Variants in COBLL1 observed in about 807,000 individuals in gnomAD.
COBLL1 encodes the protein cordon-bleu WH2 repeat protein like 1.
A neutral mutation model predicts 94.8 loss-of-function variants in COBLL1; 50 were observed. The ratio of observed to expected loss-of-function variants is 0.53; its 90% CI spans 0.42 to 0.67. The LOEUF (loss-of-function observed/expected upper bound fraction) is 0.67. Among genes scored for constraint, COBLL1 ranks in the 30% least tolerant of loss-of-function variants. The pLI is 0.00. For synonymous variants in COBLL1, 448 were observed against 473.8 expected, an observed-to-expected ratio of 0.95 and a Z score of 0.71; for missense variants, 1,362 against 1,348.7, an observed-to-expected ratio of 1.01 and a Z score of -0.15.
At chr2:164,758,620 A>G (rs2105609495) in intron 2 of COBLL1, among the ~76,000 whole-genome samples, 1 of 152,194 alleles carries the variant, frequency 6.6e-6, no homozygotes, top group East Asian at 1.9e-4. Flanking sequence ...GTTTAGAAAA[A>G]TTAGTCCAAA....
intron 7 of COBLL1, among the ~76,000 whole-genome samples, chr2:164,719,914 G>GAATA (rs1265980030): frequency 6.6e-6 from 1 of 151,296 alleles, no homozygotes; most frequent in African/African-American, 2.4e-5. Context: ...TTTAGAAAAT[G>GAATA]AATAAAAGAA....
Position 164,710,003 on chromosome 2 carries a change from T to C in COBLL1, c.997-4898A>G, listed in dbSNP as rs564908587. ...ATTTTCTTTTGAAATATGAGTAATA[T>C]TCATATTAACATTCAAGGAAATAGC... On this transcript the variant is annotated intron_variant, in intron 7 of 13. Transcript: ENST00000652658. Among the ~76,000 whole-genome samples the C allele has an allele frequency of 1.2e-4, 19 of 152,266 alleles. No individual in the cohort carries two copies. In the South Asian group the frequency reaches 3.9e-3, roughly 32 times the overall value.
At chr2:164,719,707 C>T (rs932654626) in intron 7 of COBLL1, among the ~76,000 whole-genome samples, 2 of 152,122 alleles carry the variant, frequency 1.3e-5, no homozygotes, top group Non-Finnish European at 2.9e-5. Flanking sequence ...TTAAGTACAT[C>T]TGCAAAAATT....
intron 7 of COBLL1, among the ~76,000 whole-genome samples, chr2:164,714,738 A>C (rs923786786): frequency 6.6e-6 from 1 of 152,156 alleles, no homozygotes. Context: ...GAGAAATGCA[A>C]ATCTTCCCAT....
chr2:164,678,781 T>A (rs1213023833), downstream of COBLL1, among the ~76,000 whole-genome samples: 1 of 152,138 alleles, frequency 6.6e-6, no homozygotes, highest in Non-Finnish European at 1.5e-5. Flanking sequence ...TCTAGCATAG[T>A]TTTCTTTTAT....
intron 2 of COBLL1, among the ~76,000 whole-genome samples, chr2:164,788,839 CAA>C (rs34224594): frequency 1.4e-5 from 2 of 140,406 alleles, no homozygotes; most frequent in Admixed American, 7.2e-5. Context: ...TATGTTTAAC[CAA>C]AAAAAAAAAA....
chr2:164,820,949 G>A (rs1008926406), intron 2 of COBLL1, among the ~76,000 whole-genome samples: 9 of 152,120 alleles, frequency 5.9e-5, no homozygotes, highest in African/African-American at 1.2e-4. Context: ...GTGCAGTGGC[G>A]TGATCTTGTC....
At chr2:164,737,622 A>G (rs1351978273) in intron 3 of COBLL1, among the ~76,000 whole-genome samples, 1 of 149,488 alleles carries the variant, frequency 6.7e-6, no homozygotes, top group Non-Finnish European at 1.5e-5. Context: ...CTATAAACAT[A>G]TATTTATCAC....
At chr2:164,815,667 A>C (rs1322311092) in intron 2 of COBLL1, among the ~76,000 whole-genome samples, 1 of 152,150 alleles carries the variant, frequency 6.6e-6, no homozygotes, top group Non-Finnish European at 1.5e-5. Context: ...TCAATAAATC[A>C]TTAGGACTAT....
chr2:164,698,627 A>G (rs1416128571), intron 11 of COBLL1, among the ~76,000 whole-genome samples: 3 of 151,926 alleles, frequency 2.0e-5, no homozygotes, highest in African/African-American at 7.2e-5. Flanking sequence ...TACTAAGTAC[A>G]TATTTTATGA....
At chr2:164,710,428 C>G (rs1329631497) in intron 7 of COBLL1, among the ~76,000 whole-genome samples, 2 of 152,074 alleles carry the variant, frequency 1.3e-5, no homozygotes, top group African/African-American at 4.8e-5. Flanking sequence ...ATGACTAATG[C>G]TAAAAGCAGC....
intron 6 of COBLL1, 32 bp from the exon 7 acceptor site, chr2:164,722,343 A>G: frequency 6.3e-7 from 1 of 1,575,484 alleles, no homozygotes; most frequent in Non-Finnish European, 8.7e-7. Flanking sequence ...AAAATCTAGT[A>G]ATTTCAAGAT....
chr2:164,735,161 T>G (rs1250480209), intron 3 of COBLL1, among the ~76,000 whole-genome samples: 1 of 152,166 alleles, frequency 6.6e-6, no homozygotes, highest in African/African-American at 2.4e-5. Context: ...GGCACCTGGC[T>G]AGGTCGCTGT....
chr2:164,818,310 A>G (rs537984704), intron 2 of COBLL1, among the ~76,000 whole-genome samples: 15 of 148,956 alleles, frequency 1.0e-4, no homozygotes, highest in African/African-American at 2.8e-4. Flanking sequence ...ATGTATACAT[A>G]TACACGTGTG....
intron 2 of COBLL1, among the ~76,000 whole-genome samples, chr2:164,771,249 T>C (rs934250847): frequency 2.0e-5 from 3 of 152,050 alleles, no homozygotes; most frequent in African/African-American, 7.2e-5. Context: ...CCTAAGTTTT[T>C]TACATCAACA....
intron 2 of COBLL1, chr2:164,840,872 A>AT (rs1683565242): frequency 2.8e-6 from 1 of 354,510 alleles, no homozygotes; most frequent in Non-Finnish European, 5.0e-6. Flanking sequence ...CTTTGTTACA[A>AT]TTTTTGCTCC....
At chr2:164,825,621 CA>C (rs1685390055) in intron 2 of COBLL1, among the ~76,000 whole-genome samples, 1 of 152,114 alleles carries the variant, frequency 6.6e-6, no homozygotes. Context: ...GAAAAAAATA[CA>C]AATCAATAAA....
intron 3 of COBLL1, among the ~76,000 whole-genome samples, chr2:164,742,868 A>AGAGCGAGC (rs1044873703): frequency 6.6e-6 from 1 of 152,046 alleles, no homozygotes; most frequent in South Asian, 2.1e-4. Flanking sequence ...AGAGAGAGAG[A>AGAGCGAGC]GAGCGAGCGA....
chr2:164,688,333 T>C (rs1249292296), intron 13 of COBLL1, among the ~76,000 whole-genome samples: 2 of 152,188 alleles, frequency 1.3e-5, no homozygotes, highest in Non-Finnish European at 2.9e-5. Context: ...TTACTGATTT[T>C]AATGCCAGTT....
Sources: gnomAD v4.1 joint callset for allele counts (sites outside exome capture counted in the v4.1 genomes callset) on GRCh38, gnomAD v4.1.1 for gene constraint, MANE v1.5 for transcripts, NCBI Gene and HGNC (gene_info 2026-07-23, HGNC 2026-07-21) for gene names.